AFF3: variants seen among roughly 807,000 people sequenced by gnomAD.
AFF3 encodes ALF transcription elongation factor 3, also known as AF4/FMR2 family member 3.
Under a neutral mutation model 129.7 loss-of-function variants are expected in AFF3, and 32 were observed. The observed-to-expected ratio is 0.25, with a 90% CI of 0.19 to 0.33. The LOEUF (loss-of-function observed/expected upper bound fraction) is 0.33. Among genes scored for constraint, AFF3 ranks in the 10% least tolerant of loss-of-function variants. The pLI, the probability that AFF3 is intolerant of heterozygous loss-of-function variation, is 1.00. For missense variants in AFF3, 1,373 were observed against 1,592.0 expected, an observed-to-expected ratio of 0.86 and a Z score of 2.34; for synonymous variants, 644 against 635.4, an observed-to-expected ratio of 1.01 and a Z score of -0.20.
chr2:99,872,203 ATCTC>A (rs2105967778), intron 7 of AFF3, among the ~76,000 whole-genome samples: 1 of 126,586 alleles, frequency 7.9e-6, no homozygotes, highest in South Asian at 2.8e-4. Flanking sequence ...GCGAGACTCC[ATCTC>A]AAAAAAAAAA....
intron 8 of AFF3, among the ~76,000 whole-genome samples, chr2:99,776,122 C>T (rs1683885339): frequency 6.6e-6 from 1 of 152,126 alleles, no homozygotes; most frequent in Non-Finnish European, 1.5e-5. Context: ...TAAAATACAA[C>T]TCTCAAAGGG....
chr2:100,135,279 C>A (rs1046620929), intron 1 of AFF3, among the ~76,000 whole-genome samples: 3 of 152,188 alleles, frequency 2.0e-5, no homozygotes, highest in African/African-American at 7.2e-5. Context: ...TGTCACGCCT[C>A]CCTCAGGAGG....
intron 2 of AFF3, among the ~76,000 whole-genome samples, chr2:100,128,482 T>G (rs1486576283): frequency 6.6e-6 from 1 of 152,222 alleles, no homozygotes; most frequent in Non-Finnish European, 1.5e-5. Flanking sequence ...CAGAGTGACC[T>G]ACTCAAGGAA....
In AFF3 at chr2:99,601,466, C is replaced by T. The variant is rs773688846; in HGVS notation, c.1340G>A (p.Gly447Asp). The T allele has an allele frequency of 1.2e-6, 2 of 1,609,188 alleles. No individual in the cohort carries two copies. The highest frequency in any genetic ancestry group is 2.2e-5 in the South Asian group (2 of 90,122). The change falls in exon 14 of 25, where the codon GGC (glycine) becomes GAC (aspartate). Residue 447 changes from glycine to aspartate, a missense_variant. Coordinates refer to ENST00000672756, the MANE Select transcript of AFF3 (RefSeq NM_001386135.1). ...GCTGGAGAAGTGGGGGGGCTTGCTG[C>T]CCTCACTCTCGCTGGAGCTGCTCTC... ...ETESSSSESE[G>D]SKPPHFSSPE...
At chr2:99,607,023 T>G (rs1680432819) in intron 13 of AFF3, among the ~76,000 whole-genome samples, 1 of 152,150 alleles carries the variant, frequency 6.6e-6, no homozygotes, top group Non-Finnish European at 1.5e-5. Context: ...CTGCTATAAT[T>G]TAAGCACAGT....
chr2:100,058,869 T>TA (rs1687012627), intron 4 of AFF3, among the ~76,000 whole-genome samples: 1 of 152,204 alleles, frequency 6.6e-6, no homozygotes. Flanking sequence ...AAAATATCTG[T>TA]AAATCATGTA....
chr2:99,749,874 C>A (rs1486177608), intron 9 of AFF3, among the ~76,000 whole-genome samples: 1 of 152,276 alleles, frequency 6.6e-6, no homozygotes, highest in East Asian at 1.9e-4. Context: ...GGAGACAAAT[C>A]CATGTATTTA....
intron 1 of AFF3, among the ~76,000 whole-genome samples, chr2:100,131,058 A>C (rs111688089): frequency 0.045 from 6,828 of 152,276 alleles, 405 homozygotes; most frequent in African/African-American, 0.14. Context: ...CATACTTAAA[A>C]CAACAAAAAA....
At chr2:99,614,389 A>T (rs1480533392) in intron 13 of AFF3, among the ~76,000 whole-genome samples, 1 of 152,178 alleles carries the variant, frequency 6.6e-6, no homozygotes, top group Non-Finnish European at 1.5e-5. Flanking sequence ...GAATTCAAAG[A>T]TCCTCCTGAC....
rs186479013 is a variant in AFF3 at position 99,611,073 on chromosome 2, T to C, written c.1185-9452A>G. On this transcript the variant is annotated intron_variant, in intron 13 of 24. Transcript: ENST00000672756. ...GTAATTCTTCCCTCTGTTCTCTTCA[T>C]TCTGCGGTTGAGCTCATCCATTGAG... Among the ~76,000 whole-genome samples the C allele has an allele frequency of 3.6e-3, 554 of 152,358 alleles. 4 individuals carry two copies. The highest frequency in any genetic ancestry group is 0.013 in the African/African-American group (523 of 41,582).
intron 7 of AFF3, among the ~76,000 whole-genome samples, chr2:99,945,049 T>C (rs1217623445): frequency 6.6e-6 from 1 of 152,172 alleles, no homozygotes; most frequent in Non-Finnish European, 1.5e-5. Flanking sequence ...AACAAAGGCA[T>C]GACCTGCATC....
chr2:100,018,446 C>G (rs185607872), intron 4 of AFF3, among the ~76,000 whole-genome samples: 13 of 152,102 alleles, frequency 8.5e-5, no homozygotes, highest in African/African-American at 2.9e-4. Context: ...AGATAAATGA[C>G]AGCTTTGCAT....
At chr2:99,686,496 C>T (rs1057514210) in intron 11 of AFF3, among the ~76,000 whole-genome samples, 1 of 152,190 alleles carries the variant, frequency 6.6e-6, no homozygotes, top group Admixed American at 6.5e-5. Context: ...AAGTGTTTCT[C>T]TTCTCAGTCC....
intron 2 of AFF3, among the ~76,000 whole-genome samples, chr2:100,119,592 G>C (rs1054298282): frequency 6.6e-6 from 1 of 152,196 alleles, no homozygotes; most frequent in Admixed American, 6.5e-5. Context: ...CTTAATAGTT[G>C]CTAACAAGTA....
At chr2:99,602,528 G>T (rs1329648816) in intron 13 of AFF3, among the ~76,000 whole-genome samples, 3 of 152,140 alleles carry the variant, frequency 2.0e-5, no homozygotes, top group Non-Finnish European at 4.4e-5. Flanking sequence ...GAGCAGAAAA[G>T]AAAATTTCAG....
intron 7 of AFF3, among the ~76,000 whole-genome samples, chr2:99,943,882 T>C (rs1283956695): frequency 6.6e-6 from 1 of 151,956 alleles, no homozygotes; most frequent in South Asian, 2.1e-4. Context: ...CTGAGACTAG[T>C]TGATAATTTT....
At chr2:99,772,675 T>A (rs1293951360) in intron 8 of AFF3, among the ~76,000 whole-genome samples, 1 of 152,220 alleles carries the variant, frequency 6.6e-6, no homozygotes, top group African/African-American at 2.4e-5. Context: ...GCACCACTTT[T>A]ATTTCAGAGT....
At chr2:99,604,439 T>C (rs1473890292) in intron 13 of AFF3, among the ~76,000 whole-genome samples, 5 of 151,680 alleles carry the variant, frequency 3.3e-5, no homozygotes, top group Non-Finnish European at 7.4e-5. Context: ...ACATGGACAC[T>C]GAGAAGGGAA....
chr2:99,648,917 A>ACACACACACACTCTCTCTCTCTCTCTCT, intron 13 of AFF3, among the ~76,000 whole-genome samples: 5 of 46,932 alleles, frequency 1.1e-4, no homozygotes, highest in Non-Finnish European at 1.4e-4. Flanking sequence ...ACACACACAC[A>ACACACACACACTCTCTCTCTCTCTCTCT]CTCTCTCTCT....
Sources: allele counts gnomAD v4.1 joint callset (sites outside exome capture counted in the v4.1 genomes callset), GRCh38; gene constraint gnomAD v4.1.1; transcripts MANE v1.5; gene names NCBI Gene and HGNC (gene_info 2026-07-23, HGNC 2026-07-21).